The following MBD5 variants were observed in gnomAD, a reference collection of about 807,000 sequenced individuals.
MBD5 encodes the protein methyl-CpG binding domain protein 5.
Under a neutral mutation model 117.3 loss-of-function variants are expected in MBD5, and 13 were observed. The ratio of observed to expected loss-of-function variants is 0.11; its 90% CI spans 0.07 to 0.18. The LOEUF is 0.18. Among genes scored for constraint, MBD5 ranks in the 10% least tolerant of loss-of-function variants. The probability of loss-of-function intolerance (pLI) is 1.00; values close to 1 mark genes in which losing one functional copy is unlikely to be tolerated. For synonymous variants in MBD5, 727 were observed against 766.4 expected, an observed-to-expected ratio of 0.95 and a Z score of 0.85; for missense variants, 1,879 against 2,093.8, an observed-to-expected ratio of 0.90 and a Z score of 2.00.
chr2:148,460,782 G>A (rs909701906), intron 5 of MBD5, among the ~76,000 whole-genome samples: 2 of 152,154 alleles, frequency 1.3e-5, no homozygotes, highest in Non-Finnish European at 2.9e-5. Flanking sequence ...TACTTTAATA[G>A]AATTAAGGAA....
rs185886161 is a variant in MBD5 at position 148,474,842 on chromosome 2, A to C, written c.2518+4381A>C. On this transcript the variant is annotated intron_variant, in intron 8 of 13. Coordinates refer to ENST00000642680, the MANE Select transcript of MBD5 (RefSeq NM_001378120.1). ...AATGGAATAGTGAGACCACAAAAGA[A>C]CACTTTGGGTAAAAGACTACAAAGT... 4.6e-5 allele frequency among the ~76,000 whole-genome samples: 7 copies of C among 152,306 alleles called. No homozygotes were observed. The East Asian group carries it at 1.2e-3, about 25-fold the overall frequency.
chr2:148,184,946 T>G (rs1698617660), intron 2 of MBD5, among the ~76,000 whole-genome samples: 1 of 152,206 alleles, frequency 6.6e-6, no homozygotes, highest in African/African-American at 2.4e-5. Context: ...CCAAAGCTAT[T>G]TATTGTAATT....
rs58282736 is a variant in MBD5 at position 148,401,154 on chromosome 2, T to A, written c.-556-57049T>A. On this transcript the variant is annotated intron_variant, in intron 4 of 13. Transcript: ENST00000642680. ...GCATTTTTCATATCTGCCAACCAAG[T>A]AATACTTTCAGAAAATGATTAAGAT... Among the ~76,000 whole-genome samples, 627 of 152,300 alleles carry A rather than the reference T, an allele frequency of 4.1e-3. 5 individuals carry two copies. Among genetic ancestry groups the A allele is most frequent in the African/African-American group, 0.014 (587 of 41,580 alleles).
chr2:148,124,042 G>A (rs546421219), intron 1 of MBD5, among the ~76,000 whole-genome samples: 1 of 152,248 alleles, frequency 6.6e-6, no homozygotes, highest in African/African-American at 2.4e-5. Context: ...ACTTTGGGTG[G>A]CCAAGGAAGG....
intron 1 of MBD5, among the ~76,000 whole-genome samples, chr2:148,113,912 G>C (rs951855172): frequency 4.0e-5 from 6 of 151,774 alleles, no homozygotes; most frequent in African/African-American, 1.5e-4. Context: ...TTTTTAATTA[G>C]TTTATGTTAT....
At chr2:148,507,653 AG>A (rs771650627) in intron 12 of MBD5, among the ~76,000 whole-genome samples, 15 of 150,460 alleles carry the variant, frequency 1.0e-4, no homozygotes, top group Non-Finnish European at 2.2e-4. Flanking sequence ...CAGCTACTCG[AG>A]GGGGCTGAGA....
chr2:148,124,280 AAAAC>A (rs1401957773), intron 1 of MBD5, among the ~76,000 whole-genome samples: 1 of 152,074 alleles, frequency 6.6e-6, no homozygotes, highest in African/African-American at 2.4e-5. Flanking sequence ...CTGTCTTGAA[AAAAC>A]AAACAACCAA....
chr2:148,129,298 AC>A (rs1234275465), intron 1 of MBD5, among the ~76,000 whole-genome samples: 2 of 152,084 alleles, frequency 1.3e-5, no homozygotes, highest in Non-Finnish European at 2.9e-5. Flanking sequence ...GTTTGAGACT[AC>A]CGTGGCCAAC....
chr2:148,151,886 A>G (rs191445273), intron 1 of MBD5, among the ~76,000 whole-genome samples: 524 of 152,072 alleles, frequency 3.4e-3, no homozygotes, highest in East Asian at 8.3e-3. Context: ...TCCTTTCAAA[A>G]AACCAGCTCC....
In MBD5 at chr2:148,409,453, G is replaced by A. The variant is rs992832600; in HGVS notation, c.-556-48750G>A. Among the ~76,000 whole-genome samples, 4 of 151,398 alleles carry A rather than the reference G, an allele frequency of 2.6e-5. No homozygotes were observed. The South Asian group carries it at 8.4e-4, about 32-fold the overall frequency. On this transcript the variant is annotated intron_variant, in intron 4 of 13. Transcript: ENST00000642680. ...AGAGAAAGGAAAAGGGAAGGAGGGAGGGAAGAAGGGAGGGAGGGAGGAAGG... is the reference window on the plus strand; with the variant it reads ...AGAGAAAGGAAAAGGGAAGGAGGGAAGGAAGAAGGGAGGGAGGGAGGAAGG...
At chr2:148,439,653 T>C (rs1427090855) in intron 4 of MBD5, among the ~76,000 whole-genome samples, 1 of 152,118 alleles carries the variant, frequency 6.6e-6, no homozygotes, top group Non-Finnish European at 1.5e-5. Context: ...TGTATCAATA[T>C]TGTAAAGCCA....
chr2:148,459,195 A>C (rs1162866813), intron 5 of MBD5, among the ~76,000 whole-genome samples: 1 of 152,200 alleles, frequency 6.6e-6, no homozygotes, highest in African/African-American at 2.4e-5. Flanking sequence ...ATCACTTGAC[A>C]GAATTACTCT....
chr2:148,417,245 C>T (rs903287526), intron 4 of MBD5, among the ~76,000 whole-genome samples: 1 of 151,306 alleles, frequency 6.6e-6, no homozygotes. Flanking sequence ...ACCTCAGCTT[C>T]CTGAGTATCT....
At chr2:148,485,008 C>G (rs916519554) in intron 9 of MBD5, 1 of 151,946 alleles carries the variant, frequency 6.6e-6, no homozygotes, top group Non-Finnish European at 1.5e-5. Context: ...AAATAAACTA[C>G]GAAGCATTAC....
intron 4 of MBD5, among the ~76,000 whole-genome samples, chr2:148,400,369 T>A (rs976781174): frequency 3.3e-5 from 5 of 152,210 alleles, no homozygotes; most frequent in African/African-American, 4.8e-5. Context: ...CCAGTGCTTA[T>A]TAAGTATTTG....
At chr2:148,199,610 A>G (rs1397279367) in intron 2 of MBD5, among the ~76,000 whole-genome samples, 1 of 152,018 alleles carries the variant, frequency 6.6e-6, no homozygotes, top group Non-Finnish European at 1.5e-5. Context: ...TCTACAAAAA[A>G]TAGCTTGGCA....
chr2:148,327,158 A>G (rs1040242250), intron 3 of MBD5, among the ~76,000 whole-genome samples: 2 of 152,058 alleles, frequency 1.3e-5, no homozygotes, highest in African/African-American at 2.4e-5. Context: ...AATGTTGAAT[A>G]TTGGCCTGAA....
chr2:148,294,429 T>C (rs1198193704), intron 3 of MBD5, among the ~76,000 whole-genome samples: 1 of 151,002 alleles, frequency 6.6e-6, no homozygotes, highest in Admixed American at 6.6e-5. Context: ...TTTCACTGTG[T>C]TAGCCAGGAT....
intron 3 of MBD5, among the ~76,000 whole-genome samples, chr2:148,284,583 C>T (rs764869638): frequency 3.3e-5 from 5 of 152,096 alleles, no homozygotes; most frequent in African/African-American, 9.7e-5. Flanking sequence ...AAAGTGGGGG[C>T]TGGTCCCTAT....
Sources: gnomAD v4.1 joint callset for allele counts (sites outside exome capture counted in the v4.1 genomes callset) on GRCh38, gnomAD v4.1.1 for gene constraint, MANE v1.5 for transcripts, NCBI Gene and HGNC (gene_info 2026-07-23, HGNC 2026-07-21) for gene names.